The following CYP2C19 variants were observed in gnomAD, a reference collection of about 807,000 sequenced individuals.
CYP2C19 encodes the protein cytochrome P450 2C19.
A neutral mutation model predicts 40.9 loss-of-function variants in CYP2C19; 59 were observed. The ratio of observed to expected loss-of-function variants is 1.44; its 90% CI spans 1.17 to 1.79. CYP2C19 has a LOEUF of 1.79. Ranked by LOEUF, CYP2C19 falls within the 40% of genes most tolerant of loss-of-function variation. The probability of loss-of-function intolerance (pLI) is 0.00; values close to 1 mark genes in which losing one functional copy is unlikely to be tolerated. For missense variants in CYP2C19, 754 were observed against 596.9 expected (o/e 1.26, Z -2.74); for synonymous variants, 253 against 208.7 (o/e 1.21, Z -1.83).
At chr10:94,822,350 C>T (rs770933970) in intron 6 of CYP2C19, among the ~76,000 whole-genome samples, 6 of 152,044 alleles carry the variant, frequency 3.9e-5, no homozygotes, top group East Asian at 1.9e-4. Flanking sequence ...AAATTATGTC[C>T]CATTGAGTCC....
At chr10:94,783,709 A>G (rs1848506585) in intron 5 of CYP2C19, among the ~76,000 whole-genome samples, 1 of 152,080 alleles carries the variant, frequency 6.6e-6, no homozygotes, top group Non-Finnish European at 1.5e-5. Flanking sequence ...GTACCTTTGT[A>G]TTAATATCAA....
At chr10:94,770,396 C>A (rs1390831457) in intron 1 of CYP2C19, among the ~76,000 whole-genome samples, 1 of 152,116 alleles carries the variant, frequency 6.6e-6, no homozygotes, top group Admixed American at 6.5e-5. Flanking sequence ...GGTGATTGGC[C>A]TGCTATTTTC....
At position 94,853,935 on chromosome 10, in the gene CYP2C19, A is replaced by G. The variant is rs1209098696; in HGVS notation, c.*1021A>G. Among the ~76,000 whole-genome samples the G allele has an allele frequency of 6.6e-6, 1 of 152,192 alleles. No individual in the cohort carries two copies. On this transcript the variant is annotated 3_prime_UTR_variant, in exon 9 of 9. Transcript: ENST00000371321. ...CATGTTTCCAACTTAGAATGAAGTA[A>G]TGAAGTATAAATATATGCTTTCATA...
At chr10:94,775,278 A>G in intron 2 of CYP2C19, 58 bp downstream of exon 2, 1 of 1,613,138 alleles carries the variant, frequency 6.2e-7, no homozygotes, top group South Asian at 1.1e-5. Flanking sequence ...GATGGAAAAC[A>G]GACTAGCAGA....
rs200292400 is a variant in CYP2C19 at position 94,817,149 on chromosome 10, G to C, written c.820-3347G>C. Among the ~76,000 whole-genome samples, 11 of 142,126 alleles carry C rather than the reference G, an allele frequency of 7.7e-5. No individual in the cohort carries two copies. In the East Asian group the frequency reaches 2.4e-3, roughly 31 times the overall value. The allele number at this position is 142,126 out of a possible 152,430, so 93.2% of individuals were successfully genotyped here. A position where few individuals can be genotyped will look rare whatever the true frequency, so the allele number is the denominator to read the frequency against. ...TCTAATTCTAGATCCCTGAGGAATC[G>C]CCACACTGACTTCCACAATGGTTGA... On this transcript the variant is annotated intron_variant, in intron 5 of 8. Coordinates refer to ENST00000371321, the MANE Select transcript of CYP2C19 (RefSeq NM_000769.4).
intron 5 of CYP2C19, among the ~76,000 whole-genome samples, chr10:94,782,437 G>T (rs112783620): frequency 6.6e-6 from 1 of 152,044 alleles, no homozygotes; most frequent in African/African-American, 2.4e-5. Flanking sequence ...TTAGAATGGC[G>T]ATCATTAAAA....
chr10:94,831,932 C>T (rs1206085947), intron 6 of CYP2C19, among the ~76,000 whole-genome samples: 11 of 152,154 alleles, frequency 7.2e-5, no homozygotes, highest in African/African-American at 1.9e-4. Context: ...TCCATGTTTG[C>T]TTTGAATGCC....
At chr10:94,775,694 T>C (rs1452646871) in intron 3 of CYP2C19, 155 bp downstream of exon 3, 3 of 1,264,002 alleles carry the variant, frequency 2.4e-6, no homozygotes, top group African/African-American at 1.5e-5. Context: ...CCAAGGGAAT[T>C]TGCACATGTT....
intron 6 of CYP2C19, among the ~76,000 whole-genome samples, chr10:94,822,220 G>A (rs530216043): frequency 3.3e-5 from 5 of 152,054 alleles, no homozygotes; most frequent in Admixed American, 6.6e-5. Context: ...AATTCATAAA[G>A]GAAAGAGGTT....
intron 5 of CYP2C19, among the ~76,000 whole-genome samples, chr10:94,815,378 G>A (rs561639992): frequency 1.6e-4 from 24 of 152,240 alleles, no homozygotes; most frequent in South Asian, 4.1e-4. Flanking sequence ...GCTGGCCTAG[G>A]GACTTGTTAG....
Position 94,796,786 on chromosome 10 carries a change from GCT to G in CYP2C19, c.819+14794_819+14795del, listed in dbSNP as rs1320757385. Among the ~76,000 whole-genome samples, 6 of 151,824 alleles carry G rather than the reference GCT, an allele frequency of 4.0e-5. 1 individual carries two copies. The highest frequency in any genetic ancestry group is 7.4e-5 in the Non-Finnish European group (5 of 67,912). ...TGAATGGGAGTTCACTCATGTTTTGGCTCTCTGTCTGTTATTGGTGTATAAGA... is the reference window on the plus strand; with the variant it reads ...TGAATGGGAGTTCACTCATGTTTTGGCTCTGTCTGTTATTGGTGTATAAGA... On this transcript the variant is annotated intron_variant, in intron 5 of 8. Transcript: ENST00000371321.
In CYP2C19 at chr10:94,805,759, T is replaced by C. The variant is rs143612134; in HGVS notation, c.820-14737T>C. On this transcript the variant is annotated intron_variant, in intron 5 of 8. Coordinates refer to ENST00000371321, the MANE Select transcript of CYP2C19 (RefSeq NM_000769.4). ...AACAAACAAAACCAAAGTAATATAATTTCCTCAACTATGCAAACTAATTCA... is the reference window on the plus strand; with the variant it reads ...AACAAACAAAACCAAAGTAATATAACTTCCTCAACTATGCAAACTAATTCA... Among the ~76,000 whole-genome samples, 718 of 152,264 alleles carry C rather than the reference T, an allele frequency of 4.7e-3. 8 individuals are homozygous for C. Among genetic ancestry groups the C allele is most frequent in the African/African-American group, 0.017 (692 of 41,546 alleles).
Position 94,853,080 on chromosome 10 carries a change from A to T in CYP2C19, c.*166A>T, listed in dbSNP as rs974906864. Reference sequence around the variant, plus strand: ...TCCATTAAAAAAGTTTCACTGTGCAAATATATCTGCTATTCCCCATACTCT... The same window carrying T: ...TCCATTAAAAAAGTTTCACTGTGCATATATATCTGCTATTCCCCATACTCT... On this transcript the variant is annotated 3_prime_UTR_variant, in exon 9 of 9. Transcript: ENST00000371321. The T allele has an allele frequency of 5.9e-6, 4 of 675,268 alleles. No homozygotes were observed. In the African/African-American group the frequency reaches 7.2e-5, roughly 12 times the overall value. 41.8% of individuals were successfully genotyped at this position (675,268 alleles called of 1,614,324 possible).
At chr10:94,836,268 A>G (rs974924533) in intron 6 of CYP2C19, among the ~76,000 whole-genome samples, 1 of 152,234 alleles carries the variant, frequency 6.6e-6, no homozygotes, top group Admixed American at 6.5e-5. Context: ...TAAGCCTGCT[A>G]CTGCTGCCAC....
At chr10:94,827,873 T>G (rs1234398997) in intron 6 of CYP2C19, among the ~76,000 whole-genome samples, 1 of 152,060 alleles carries the variant, frequency 6.6e-6, no homozygotes, top group Non-Finnish European at 1.5e-5. Context: ...GTCTTTGTTC[T>G]TGTTGGTTTC....
At position 94,822,377 on chromosome 10, in the gene CYP2C19, G is replaced by T. The variant is rs538155064; in HGVS notation, c.961+1740G>T. Among the ~76,000 whole-genome samples, 85 of 152,236 alleles carry T rather than the reference G, an allele frequency of 5.6e-4. 1 individual carries two copies. Among genetic ancestry groups the T allele is most frequent in the African/African-American group, 1.9e-3 (80 of 41,562 alleles). On this transcript the variant is annotated intron_variant, in intron 6 of 8. Transcript: ENST00000371321. ...ATTGAGTCCCTCCCATGACATGTGG[G>T]AATTATGGGAGCCAAAGTCCAAGAT... is the stretch of plus-strand genomic sequence containing the variant.
At chr10:94,783,792 A>T (rs1317417723) in intron 5 of CYP2C19, among the ~76,000 whole-genome samples, 1 of 152,112 alleles carries the variant, frequency 6.6e-6, no homozygotes, top group East Asian at 1.9e-4. Context: ...GGGTCCCTTG[A>T]ATCTTCATAT....
rs933412735 is a variant in CYP2C19 at position 94,827,839 on chromosome 10, A to G, written c.961+7202A>G. On this transcript the variant is annotated intron_variant, in intron 6 of 8. Coordinates refer to ENST00000371321, the MANE Select transcript of CYP2C19 (RefSeq NM_000769.4). ...TCCCTCTACACACTGTTTTGAATGC[A>G]TCCCAGAGATTCTGGTATGTTGTGT... Among the ~76,000 whole-genome samples the G allele has an allele frequency of 2.8e-3, 429 of 151,996 alleles. 3 individuals carry two copies. The highest frequency in any genetic ancestry group is 9.8e-3 in the African/African-American group (407 of 41,422).
chr10:94,807,489 A>T (rs970450183), intron 5 of CYP2C19, among the ~76,000 whole-genome samples: 5 of 152,100 alleles, frequency 3.3e-5, no homozygotes, highest in Non-Finnish European at 5.9e-5. Context: ...CCATCATGGC[A>T]GTACTAATTT....
Sources: gnomAD v4.1 joint callset for allele counts (sites outside exome capture counted in the v4.1 genomes callset) on GRCh38, gnomAD v4.1.1 for gene constraint, MANE v1.5 for transcripts, NCBI Gene and HGNC (gene_info 2026-07-23, HGNC 2026-07-21) for gene names.